MARK1: variants seen among roughly 807,000 people sequenced by gnomAD.
The protein encoded by MARK1 is microtubule affinity regulating kinase 1, also known as serine/threonine-protein kinase MARK1.
A neutral mutation model predicts 96.3 loss-of-function variants in MARK1; 40 were observed. The ratio of observed to expected loss-of-function variants is 0.42; its 90% CI spans 0.32 to 0.54. The LOEUF is 0.54. MARK1 is among the 20% of genes least tolerant of loss of function. The probability of loss-of-function intolerance (pLI) is 0.16; values close to 1 mark genes in which losing one functional copy is unlikely to be tolerated. For missense variants in MARK1, 719 were observed against 984.6 expected, an observed-to-expected ratio of 0.73 and a Z score of 3.61; for synonymous variants, 317 against 341.2, an observed-to-expected ratio of 0.93 and a Z score of 0.78.
At chr1:220,598,859 G>C (rs1285370473) in intron 4 of MARK1, among the ~76,000 whole-genome samples, 3 of 151,868 alleles carry the variant, frequency 2.0e-5, no homozygotes. Flanking sequence ...CGCACCTGTA[G>C]GCCCAGCTAC....
chr1:220,592,865 GGTTA>G (rs1397946659), intron 3 of MARK1, among the ~76,000 whole-genome samples: 3 of 152,184 alleles, frequency 2.0e-5, no homozygotes, highest in East Asian at 1.9e-4. Flanking sequence ...AAGGTTGGCA[GGTTA>G]GTTAGTAGAG....
chr1:220,579,840 A>G (rs1034841515), intron 2 of MARK1, among the ~76,000 whole-genome samples: 2 of 152,192 alleles, frequency 1.3e-5, no homozygotes, highest in African/African-American at 2.4e-5. Context: ...TTCTGTGAAC[A>G]TTTCTGATTG....
chr1:220,650,553 A>T, intron 13 of MARK1, 67 bp from the exon 14 acceptor site: 1 of 1,018,004 alleles, frequency 9.8e-7, no homozygotes, highest in Non-Finnish European at 1.5e-6. Flanking sequence ...GTCAGCTTAA[A>T]TACATTTCTT....
At chr1:220,612,805 G>GTA (rs948597524) in intron 6 of MARK1, among the ~76,000 whole-genome samples, 5 of 151,904 alleles carry the variant, frequency 3.3e-5, no homozygotes, top group African/African-American at 1.2e-4. Flanking sequence ...AATAATAAAT[G>GTA]TATATACATC....
At chr1:220,580,475 CA>C (rs1056217629) in intron 2 of MARK1, among the ~76,000 whole-genome samples, 8 of 143,300 alleles carry the variant, frequency 5.6e-5, no homozygotes, top group African/African-American at 7.7e-5. Context: ...GATCCTGTCT[CA>C]AAAAAAAAAC....
At chr1:220,661,705 G>C (rs1422643157) in intron 17 of MARK1, 107 bp from the exon 18 acceptor site, 1 of 762,970 alleles carries the variant, frequency 1.3e-6, no homozygotes, top group African/African-American at 1.8e-5. Context: ...AAATTAGGTA[G>C]TGTTATTAGG....
chr1:220,568,505 G>A (rs1314332440), intron 1 of MARK1, among the ~76,000 whole-genome samples: 1 of 152,060 alleles, frequency 6.6e-6, no homozygotes, highest in African/African-American at 2.4e-5. Context: ...TAGGGGGTCC[G>A]ACTTTGTTAG....
In MARK1 at chr1:220,599,832, T is replaced by A; in HGVS notation, c.393T>A (p.Thr131=). The A allele has an allele frequency of 6.2e-7, 1 of 1,609,254 alleles. No homozygotes were observed. Among genetic ancestry groups the A allele is most frequent in the Non-Finnish European group, 8.5e-7 (1 of 1,177,096 alleles). ...KLFEVIETEK[T]LYLVMEYASG... Reference sequence around the variant, plus strand: ...TTGAAGTTATTGAAACAGAGAAGACTCTCTATTTAGTCATGGAATACGCGA... The same window carrying A: ...TTGAAGTTATTGAAACAGAGAAGACACTCTATTTAGTCATGGAATACGCGA... Residue 131 remains threonine, a synonymous_variant, in exon 5 of 18, where the codon ACT becomes ACA. Coordinates refer to ENST00000366917, the MANE Select transcript of MARK1 (RefSeq NM_018650.5).
chr1:220,547,420 C>A (rs1661576719), intron 1 of MARK1, among the ~76,000 whole-genome samples: 1 of 152,186 alleles, frequency 6.6e-6, no homozygotes, highest in Non-Finnish European at 1.5e-5. Context: ...CTTCTACCTT[C>A]CTCTCCAGGA....
intron 11 of MARK1, among the ~76,000 whole-genome samples, chr1:220,633,488 G>T (rs1408770419): frequency 6.6e-6 from 1 of 152,176 alleles, no homozygotes; most frequent in African/African-American, 2.4e-5. Flanking sequence ...TACCAGAAAC[G>T]ATGCTGTGTA....
chr1:220,536,644 C>T (rs1416727113), intron 1 of MARK1, among the ~76,000 whole-genome samples: 4 of 151,996 alleles, frequency 2.6e-5, no homozygotes, highest in Admixed American at 2.6e-4. Context: ...CAACCTCCAC[C>T]TCCTGGGTTC....
rs548987592 is a variant in MARK1 at position 220,578,026 on chromosome 1, A to T, written c.52-1328A>T. 2.4e-4 allele frequency among the ~76,000 whole-genome samples: 36 copies of T among 152,364 alleles called. No homozygotes were observed. The South Asian group carries it at 7.2e-3, about 31-fold the overall frequency. ...ATGACTTTGAATCATGCTTTGCGTG[A>T]GATTGGTAAATGGATTCCTCTTTAA... On this transcript the variant is annotated intron_variant, in intron 1 of 17. Coordinates refer to ENST00000366917, the MANE Select transcript of MARK1 (RefSeq NM_018650.5).
At position 220,528,244 on chromosome 1, in the gene MARK1, G is replaced by T. The variant is rs1402456170; in HGVS notation, c.-579G>T. The T allele has an allele frequency of 6.6e-6, 1 of 150,630 alleles. No individual in the cohort carries two copies. Among genetic ancestry groups the T allele is most frequent in the Non-Finnish European group, 1.5e-5 (1 of 67,472 alleles). The allele number at this position is 150,630 out of a possible 1,614,324, so 9.3% of individuals were successfully genotyped here. ...TGACTGAGGCGCGGCGGCGGCGGTG[G>T]CTGTGACCGCGCGGACCGAGCCGAG... On this transcript the variant is annotated 5_prime_UTR_variant, in exon 1 of 18. Transcript: ENST00000366917.
Position 220,599,718 on chromosome 1 carries a change from T to G in MARK1, c.359-80T>G, listed in dbSNP as rs1665612412. 7.2e-6 allele frequency: 5 copies of G among 691,224 alleles called. No homozygotes were observed. In the South Asian group the frequency reaches 1.1e-4, roughly 15 times the overall value. The allele number at this position is 691,224 out of a possible 1,614,324, so 42.8% of individuals were successfully genotyped here. A position where few individuals can be genotyped will look rare whatever the true frequency, so the allele number is the denominator to read the frequency against. On this transcript the variant is annotated intron_variant, in intron 4 of 17. Coordinates refer to ENST00000366917, the MANE Select transcript of MARK1 (RefSeq NM_018650.5). ...GCAAGTAGTCAAATTTTCTACTAGT[T>G]TAGTGTTACCTTAGATTTTCTTAAA...
chr1:220,644,478 T>A (rs748618121), intron 13 of MARK1, among the ~76,000 whole-genome samples: 10 of 116,180 alleles, frequency 8.6e-5, no homozygotes, highest in Non-Finnish European at 1.8e-4. Flanking sequence ...CACACAATAA[T>A]AGTGGAAGAC....
intron 1 of MARK1, among the ~76,000 whole-genome samples, chr1:220,555,987 G>A (rs769929936): frequency 9.2e-5 from 14 of 152,176 alleles, no homozygotes; most frequent in Admixed American, 2.6e-4. Flanking sequence ...ACATAACTGA[G>A]CTTTAAAGGA....
intron 1 of MARK1, among the ~76,000 whole-genome samples, chr1:220,570,974 CAT>C (rs1663411918): frequency 1.3e-5 from 2 of 152,130 alleles, no homozygotes; most frequent in South Asian, 4.1e-4. Context: ...TGTTAGAACT[CAT>C]ATTTTTGTGT....
At chr1:220,580,509 T>C (rs1223320678) in intron 2 of MARK1, among the ~76,000 whole-genome samples, 3 of 152,090 alleles carry the variant, frequency 2.0e-5, no homozygotes, top group East Asian at 1.9e-4. Flanking sequence ...AAAATATTTT[T>C]AATAAATTTT....
intron 3 of MARK1, among the ~76,000 whole-genome samples, chr1:220,582,461 C>T (rs1019816100): frequency 1.3e-5 from 2 of 152,136 alleles, no homozygotes; most frequent in Admixed American, 1.3e-4. Context: ...CTTTGCCTAC[C>T]CCTGTGCTGG....
Sources: gnomAD v4.1 joint callset for allele counts (sites outside exome capture counted in the v4.1 genomes callset) on GRCh38, gnomAD v4.1.1 for gene constraint, MANE v1.5 for transcripts, NCBI Gene and HGNC (gene_info 2026-07-23, HGNC 2026-07-21) for gene names.